The following FREM1 variants were observed in gnomAD, a reference collection of about 807,000 sequenced individuals.
FREM1 encodes the protein FRAS1-related extracellular matrix protein 1.
Under a neutral mutation model 210.1 loss-of-function variants are expected in FREM1, and 220 were observed. That is an observed-to-expected ratio of 1.05 (90% CI 0.94 to 1.17). FREM1 has a LOEUF of 1.17. Ranked by LOEUF, FREM1 falls within the 50% of genes most tolerant of loss-of-function variation. The probability of loss-of-function intolerance (pLI) is 0.00; values close to 1 mark genes in which losing one functional copy is unlikely to be tolerated. For missense variants in FREM1, 3,454 were observed against 2,675.5 expected (o/e 1.29, Z -6.42); for synonymous variants, 1,189 against 980.2 (o/e 1.21, Z -3.98).
At chr9:14,790,967 C>T (rs1438144295) in intron 22 of FREM1, 1 of 152,210 alleles carries the variant, frequency 6.6e-6, no homozygotes, top group Non-Finnish European at 1.5e-5. Context: ...CACTCTGATT[C>T]TCTATGGTGC....
At chr9:14,815,241 A>G (rs1820094864) in intron 15 of FREM1, among the ~76,000 whole-genome samples, 1 of 152,120 alleles carries the variant, frequency 6.6e-6, no homozygotes, top group Admixed American at 6.5e-5. Context: ...CAAAGAGTGG[A>G]GATGCCAGCC....
chr9:14,896,898 G>C (rs1479824047), intron 1 of FREM1, among the ~76,000 whole-genome samples: 4 of 152,220 alleles, frequency 2.6e-5, no homozygotes, highest in African/African-American at 7.2e-5. Flanking sequence ...TCCTCAAGCT[G>C]TGAGGTAACC....
At chr9:14,754,734 C>A (rs567220207) in intron 29 of FREM1, among the ~76,000 whole-genome samples, 1 of 152,072 alleles carries the variant, frequency 6.6e-6, no homozygotes, top group South Asian at 2.1e-4. Flanking sequence ...GAGTTTGAGA[C>A]CAGTCTGGCC....
intron 1 of FREM1, among the ~76,000 whole-genome samples, chr9:14,876,702 T>C (rs149429253): frequency 6.6e-6 from 1 of 152,164 alleles, no homozygotes; most frequent in Non-Finnish European, 1.5e-5. Context: ...GCGCCCACTG[T>C]CTGGCACTCC....
rs757382702 is a variant in FREM1, at chr9:14,825,561, A to ATATATATATATATATATG, written c.1882-570_1882-569insCATATATATATATATATA. Among the ~76,000 whole-genome samples, 134 of 129,168 alleles carry ATATATATATATATATATG rather than the reference A, an allele frequency of 1.0e-3. 3 individuals are homozygous for ATATATATATATATATATG. The highest frequency in any genetic ancestry group is 4.4e-3 in the Admixed American group (56 of 12,702). 84.7% of individuals were successfully genotyped at this position (129,168 alleles called of 152,430 possible). A position where few individuals can be genotyped will look rare whatever the true frequency, so the allele number is the denominator to read the frequency against. ...TGTGTGTGTGTGTATATATATATATATATATATATACCACAATTATAGTGA... is the reference window on the plus strand; with the variant it reads ...TGTGTGTGTGTGTATATATATATATATATATATATATATATATGTATATATATACCACAATTATAGTGA... On this transcript the variant is annotated intron_variant, in intron 10 of 36. Transcript: ENST00000380880.
At chr9:14,809,523 G>A (rs746478151) in intron 16 of FREM1, among the ~76,000 whole-genome samples, 1 of 152,178 alleles carries the variant, frequency 6.6e-6, no homozygotes, top group Non-Finnish European at 1.5e-5. Context: ...TTCAAAGGAT[G>A]AGAAAACTGG....
At chr9:14,744,655 C>A (rs1842109276) in intron 35 of FREM1, among the ~76,000 whole-genome samples, 1 of 151,956 alleles carries the variant, frequency 6.6e-6, no homozygotes, top group African/African-American at 2.4e-5. Flanking sequence ...ACATCAATAA[C>A]AAAAAACAAA....
intron 27 of FREM1, among the ~76,000 whole-genome samples, chr9:14,766,615 C>T (rs979555110): frequency 2.0e-5 from 3 of 152,134 alleles, no homozygotes; most frequent in Non-Finnish European, 4.4e-5. Context: ...CACAGGAATC[C>T]TGCAATAGCC....
intron 1 of FREM1, among the ~76,000 whole-genome samples, chr9:14,894,588 A>G (rs1014930248): frequency 4.6e-5 from 7 of 152,260 alleles, no homozygotes; most frequent in Admixed American, 3.3e-4. Flanking sequence ...GGACTGAACT[A>G]ATAGAAGACT....
At chr9:14,772,521 G>A (rs1309655603) in intron 25 of FREM1, among the ~76,000 whole-genome samples, 1 of 152,072 alleles carries the variant, frequency 6.6e-6, no homozygotes, top group Non-Finnish European at 1.5e-5. Context: ...ATAAAAGAAA[G>A]CCACCAACAA....
intron 9 of FREM1, among the ~76,000 whole-genome samples, chr9:14,841,805 T>G (rs1588300450): frequency 6.6e-6 from 1 of 152,214 alleles, no homozygotes; most frequent in African/African-American, 2.4e-5. Context: ...TGTCTTGATA[T>G]ATGGAAAAAT....
At chr9:14,780,957 G>C (rs1244438955) in intron 24 of FREM1, among the ~76,000 whole-genome samples, 1 of 152,176 alleles carries the variant, frequency 6.6e-6, no homozygotes, top group Non-Finnish European at 1.5e-5. Context: ...GCAGACGCTA[G>C]GCTCTTCCAT....
chr9:14,828,955 C>A (rs920599867), intron 10 of FREM1, among the ~76,000 whole-genome samples: 1 of 152,142 alleles, frequency 6.6e-6, no homozygotes, highest in Non-Finnish European at 1.5e-5. Flanking sequence ...AGTTACTTAA[C>A]CTTTTAGTGT....
intron 1 of FREM1, among the ~76,000 whole-genome samples, chr9:14,896,197 T>C (rs1837682344): frequency 6.6e-6 from 1 of 152,170 alleles, no homozygotes. Context: ...ACCAGCACCA[T>C]GACTGTTTAC....
intron 9 of FREM1, 79 bp from the exon 10 acceptor site, chr9:14,841,668 C>T: frequency 8.6e-7 from 1 of 1,158,942 alleles, no homozygotes; most frequent in African/African-American, 1.5e-5. Context: ...GACTTATCTT[C>T]AAAAGTCTTA....
intron 24 of FREM1, chr9:14,779,559 C>T: frequency 1.1e-6 from 1 of 895,140 alleles, no homozygotes; most frequent in South Asian, 5.2e-5. Context: ...CTGACGGGGT[C>T]CTCAAAGCTC....
intron 14 of FREM1, 105 bp downstream of exon 14, chr9:14,819,129 T>C: frequency 1.4e-6 from 1 of 705,820 alleles, no homozygotes; most frequent in Non-Finnish European, 2.3e-6. Context: ...GGCATGTTGG[T>C]ATCCTTTAAG....
intron 24 of FREM1, chr9:14,779,428 T>C (rs779510000): frequency 7.4e-6 from 7 of 941,626 alleles, no homozygotes; most frequent in Non-Finnish European, 8.9e-6. Context: ...AGGGGAGAGA[T>C]GGGACCAGGA....
In FREM1 at chr9:14,836,255, A is replaced by T. The variant is rs370509268; in HGVS notation, c.1881+5192T>A. On this transcript the variant is annotated intron_variant, in intron 10 of 36. Coordinates refer to ENST00000380880, the MANE Select transcript of FREM1 (RefSeq NM_001379081.2). This position sits in a 1 kb window ranked among gnomAD's most constrained non-coding sequence, Gnocchi z 4.9. ...TAGGGTTATACACGGTAGCACCTTC[A>T]AACTAAAATATTGGACAGAGAGTTT... Among the ~76,000 whole-genome samples, 5 of 152,246 alleles carry T rather than the reference A, an allele frequency of 3.3e-5. No homozygotes were observed. Among genetic ancestry groups the T allele is most frequent in the African/African-American group, 9.6e-5 (4 of 41,464 alleles).
Sources: gnomAD v4.1 joint callset for allele counts (sites outside exome capture counted in the v4.1 genomes callset) on GRCh38, gnomAD v4.1.1 for gene constraint, Gnocchi (gnomAD v3.1) non-coding constraint, MANE v1.5 for transcripts, NCBI Gene and HGNC (gene_info 2026-07-23, HGNC 2026-07-21) for gene names.